LGR4: variants seen among roughly 807,000 people sequenced by gnomAD.
The protein encoded by LGR4 is leucine-rich repeat-containing G protein-coupled receptor 4.
LGR4 carries 44 observed loss-of-function variants against 84.8 expected under a neutral mutation model. The ratio of observed to expected loss-of-function variants is 0.52; its 90% confidence interval spans 0.41 to 0.67. LGR4 has a LOEUF of 0.67. Among genes scored for constraint, LGR4 ranks in the 30% least tolerant of loss-of-function variants. The pLI is 0.00. For synonymous variants in LGR4, 429 were observed against 434.3 expected (o/e 0.99, Z 0.15); for missense variants, 1,032 against 1,131.4 (o/e 0.91, Z 1.26).
intron 1 of LGR4, among the ~76,000 whole-genome samples, chr11:27,437,600 G>A (rs943676223): frequency 1.3e-5 from 2 of 151,870 alleles, no homozygotes; most frequent in African/African-American, 2.4e-5. Flanking sequence ...GGCATGAAAA[G>A]AAGGTGGTCC....
At chr11:27,460,025 G>A (rs1364162897) in intron 1 of LGR4, among the ~76,000 whole-genome samples, 1 of 152,132 alleles carries the variant, frequency 6.6e-6, no homozygotes, top group African/African-American at 2.4e-5. Flanking sequence ...GGGAAGCGGA[G>A]GCTACAGTGA....
intron 1 of LGR4, among the ~76,000 whole-genome samples, chr11:27,445,051 G>A (rs1014491615): frequency 6.7e-6 from 1 of 148,358 alleles, no homozygotes; most frequent in Non-Finnish European, 1.5e-5. Context: ...GGCAGAACTC[G>A]GGCAGCTGCC....
At chr11:27,370,035 C>T (rs940938634) in intron 17 of LGR4, among the ~76,000 whole-genome samples, 1 of 152,154 alleles carries the variant, frequency 6.6e-6, no homozygotes, top group Admixed American at 6.5e-5. Context: ...CTGACTTTGA[C>T]ATGCTAGTTA....
At chr11:27,453,060 A>G (rs1864513831) in intron 1 of LGR4, among the ~76,000 whole-genome samples, 2 of 151,448 alleles carry the variant, frequency 1.3e-5, no homozygotes, top group African/African-American at 4.9e-5. Flanking sequence ...AGTTGTCACT[A>G]TGGGGTAGGG....
intron 1 of LGR4, among the ~76,000 whole-genome samples, chr11:27,448,471 T>C (rs929639247): frequency 6.6e-6 from 1 of 152,032 alleles, no homozygotes. Flanking sequence ...TTTGTATTTT[T>C]AGTAGACATG....
chr11:27,383,611 C>T (rs1156848015), intron 6 of LGR4, among the ~76,000 whole-genome samples: 1 of 151,978 alleles, frequency 6.6e-6, no homozygotes, highest in Non-Finnish European at 1.5e-5. Context: ...AAAATTCAGT[C>T]AAATAAAATA....
chr11:27,433,684 A>G (rs1395538268), intron 1 of LGR4, among the ~76,000 whole-genome samples: 1 of 152,254 alleles, frequency 6.6e-6, no homozygotes, highest in African/African-American at 2.4e-5. Context: ...AAAACAAATC[A>G]TTCATTCTAT....
At chr11:27,432,840 A>C (rs1590389741) in intron 1 of LGR4, among the ~76,000 whole-genome samples, 1 of 152,020 alleles carries the variant, frequency 6.6e-6, no homozygotes, top group Non-Finnish European at 1.5e-5. Context: ...AGATCTCCTT[A>C]CCCGTATATC....
intron 2 of LGR4, among the ~76,000 whole-genome samples, chr11:27,411,909 C>A (rs1198470141): frequency 3.3e-5 from 5 of 152,084 alleles, no homozygotes; most frequent in Non-Finnish European, 5.9e-5. Flanking sequence ...GGCTGTATGA[C>A]ACAATCTGTA....
chr11:27,451,584 GA>G (rs1442431992), intron 1 of LGR4, among the ~76,000 whole-genome samples: 1 of 152,206 alleles, frequency 6.6e-6, no homozygotes, highest in African/African-American at 2.4e-5. Context: ...CTCATGAAAG[GA>G]AATTAAGGTT....
At chr11:27,372,744 GATAGTTTCA>G (rs1445783208) in intron 15 of LGR4, among the ~76,000 whole-genome samples, 1 of 152,130 alleles carries the variant, frequency 6.6e-6, no homozygotes, top group African/African-American at 2.4e-5. Flanking sequence ...ATACGAAACT[GATAGTTTCA>G]CTTAAAATTA....
At position 27,472,177 on chromosome 11, in the gene LGR4, G is replaced by A. The variant is rs1182692989; in HGVS notation, c.126C>T (p.Asp42=). The A allele has an allele frequency of 2.6e-5, 37 of 1,399,746 alleles. 1 individual carries two copies. Among genetic ancestry groups the A allele is most frequent in the Non-Finnish European group, 3.4e-5 (37 of 1,075,986 alleles). The allele number at this position is 1,399,746 out of a possible 1,614,324, so 86.7% of individuals were successfully genotyped here. A position where few individuals can be genotyped will look rare whatever the true frequency, so the allele number is the denominator to read the frequency against. The stretch of plus-strand genomic sequence containing the variant: ...CGGCCGTCAGCCCCTTCCCGGAGCA[G>A]TCCACCCGACGGTCGCCGTCGCAGC... ...PCSCDGDRRV[D]CSGKGLTAVP... is the part of the protein sequence containing the mutation. Residue 42 remains aspartate, a synonymous_variant, in exon 1 of 18, where the codon GAC becomes GAT. Coordinates refer to ENST00000379214, the MANE Select transcript of LGR4 (RefSeq NM_018490.5).
At chr11:27,398,738 C>T (rs988572095) in intron 2 of LGR4, among the ~76,000 whole-genome samples, 2 of 152,182 alleles carry the variant, frequency 1.3e-5, no homozygotes, top group African/African-American at 4.8e-5. Flanking sequence ...CCACAGCCTC[C>T]CATTCACTCA....
At chr11:27,384,992 G>A (rs1863160101) in intron 5 of LGR4, among the ~76,000 whole-genome samples, 2 of 152,190 alleles carry the variant, frequency 1.3e-5, no homozygotes, top group African/African-American at 4.8e-5. Context: ...CGTAAAAGCT[G>A]TATAAGTGTG....
chr11:27,461,836 ATTT>A (rs35205372), intron 1 of LGR4, among the ~76,000 whole-genome samples: 1 of 76,558 alleles, frequency 1.3e-5, no homozygotes, highest in Non-Finnish European at 2.3e-5. Context: ...TTGAGTTAGG[ATTT>A]TTTTTTTTTT....
intron 1 of LGR4, among the ~76,000 whole-genome samples, chr11:27,463,794 C>A (rs1013582888): frequency 3.3e-5 from 5 of 151,842 alleles, no homozygotes; most frequent in African/African-American, 1.2e-4. Flanking sequence ...CTCAAAAAAA[C>A]AAAACAAAAC....
At chr11:27,439,871 C>T (rs1864273679) in intron 1 of LGR4, among the ~76,000 whole-genome samples, 1 of 149,400 alleles carries the variant, frequency 6.7e-6, no homozygotes, top group African/African-American at 2.5e-5. Context: ...TGAATTGTCA[C>T]TCTCTGGTTT....
intron 6 of LGR4, chr11:27,384,119 G>C: frequency 2.2e-6 from 1 of 452,060 alleles, no homozygotes; most frequent in Non-Finnish European, 3.9e-6. Context: ...TGTATTCTTT[G>C]GGGGAAAATA....
At chr11:27,377,808 A>G (rs144372464) in intron 11 of LGR4, among the ~76,000 whole-genome samples, 4 of 152,310 alleles carry the variant, frequency 2.6e-5, no homozygotes, top group African/African-American at 7.2e-5. Context: ...ACACCACTAC[A>G]TCACTAAATT....
Sources: allele counts gnomAD v4.1 joint callset (sites outside exome capture counted in the v4.1 genomes callset), GRCh38; gene constraint gnomAD v4.1.1; transcripts MANE v1.5; gene names NCBI Gene and HGNC (gene_info 2026-07-23, HGNC 2026-07-21).